Variants in SLC4A11 observed in about 807,000 individuals in gnomAD.
SLC4A11 encodes bicarbonate transporter related protein 1.
SLC4A11 carries 74 observed loss-of-function variants against 95.0 expected under a neutral mutation model. The observed-to-expected ratio is 0.78, with a 90% CI of 0.65 to 0.95. The LOEUF (loss-of-function observed/expected upper bound fraction) is 0.95, where lower values mean the gene tolerates loss of function less well. Among genes scored for constraint, SLC4A11 ranks in the 40% least tolerant of loss-of-function variants. The pLI, the probability that SLC4A11 is intolerant of heterozygous loss-of-function variation, is 0.00. For missense variants in SLC4A11, 1,081 were observed against 1,192.4 expected (o/e 0.91, Z 1.38); for synonymous variants, 548 against 519.0 (o/e 1.06, Z -0.76).
At chr20:3,239,355 AGGCTGCTCCAGCCGGGCTG>A (rs1364118979), upstream of SLC4A11, 8 of 1,135,076 alleles carry the variant, frequency 7.0e-6, no homozygotes, top group East Asian at 1.4e-4. Context: ...CACCCGCGGG[AGGCTGCTCCAGCCGGGCTG>A]GGCTGCTCCC....
chr20:3,229,826 G>A lies in SLC4A11; in HGVS notation c.1490-50C>T, dbSNP rs771454602. 1.7e-5 allele frequency: 27 copies of A among 1,612,470 alleles called. No individual in the cohort carries two copies. In the South Asian group the frequency reaches 2.9e-4, roughly 17 times the overall value. ...CAGCCCTCTCCAGCGTGTGGCAGGG[G>A]GAGGCCCTGGAGGGAGGGGATCTCA... On this transcript the variant is annotated intron_variant, in intron 13 of 19. Transcript: ENST00000642402.
Position 3,228,904 on chromosome 20 carries a change from G to C in SLC4A11, c.2126C>G (p.Ser709Cys). 2 of 1,613,990 alleles carry C rather than the reference G, an allele frequency of 1.2e-6. No individual in the cohort carries two copies. The highest frequency in any genetic ancestry group is 2.2e-5 in the South Asian group (2 of 91,092). ...LPWIHAAYPH[S>C]PLHVRALALV... Reference sequence around the variant, plus strand: ...GGCCAGGGCTCGCACGTGCAGCGGGGAGTGGGGGTAGGCGGCATGGATCCA... The same window carrying C: ...GGCCAGGGCTCGCACGTGCAGCGGGCAGTGGGGGTAGGCGGCATGGATCCA... Residue 709 changes from serine (S) to cysteine (C), a missense_variant, in exon 17 of 20, where the codon TCC (serine) becomes TGC (cysteine). By Grantham distance (112) the Ser-to-Cys change is moderately radical. Around this residue, in one of 3 missense-constraint regions of SLC4A11, gnomAD observed 767 missense variants for 858.0 expected, o/e 0.89. Transcript: ENST00000642402.
rs757935922 is a variant in SLC4A11 at position 3,230,594 on chromosome 20, A to G, written c.1336T>C (p.Trp446Arg). The G allele has an allele frequency of 2.5e-6, 4 of 1,613,734 alleles. No homozygotes were observed. Among genetic ancestry groups the G allele is most frequent in the Non-Finnish European group, 3.4e-6 (4 of 1,180,016 alleles). The change falls in exon 12 of 20, where the codon TGG becomes CGG. Residue 446 changes from tryptophan to arginine, a missense_variant. By Grantham distance (101) the Trp-to-Arg change is moderately radical (BLOSUM62 -3). Around this residue, in one of 3 missense-constraint regions of SLC4A11, gnomAD observed 767 missense variants for 858.0 expected, o/e 0.89. Transcript: ENST00000642402. ...AAGAAACTATTCCACAGGCCCGTCC[A>G]TGCGTAGAAGGAGTTGAAGTCCAGG... ...YDLDFNSFYA[W>R]TGLWNSFFLA...
chr20:3,238,551 G>A, intron 1 of SLC4A11: 1 of 991,222 alleles, frequency 1.0e-6, no homozygotes, highest in Non-Finnish European at 1.2e-6. Flanking sequence ...TACAAACCTG[G>A]GTCCTGGCGG....
At chr20:3,238,412 G>C in intron 1 of SLC4A11, 2 of 1,063,986 alleles carry the variant, frequency 1.9e-6, no homozygotes, top group Non-Finnish European at 2.3e-6. Flanking sequence ...GGGAGCCGGG[G>C]CTGCATCCTG....
At chr20:3,237,723 G>A (rs1344556663) in intron 1 of SLC4A11, 135 bp from the exon 2 acceptor site, 1 of 1,613,836 alleles carries the variant, frequency 6.2e-7, no homozygotes, top group Non-Finnish European at 8.5e-7. Flanking sequence ...ACCCTAGGGA[G>A]AAAGGGAAGC....
At position 3,234,716 on chromosome 20, in the gene SLC4A11, G is replaced by A; in HGVS notation, c.241+26C>T. 1 of 1,613,822 alleles carries A rather than the reference G, an allele frequency of 6.2e-7. No homozygotes were observed. Among genetic ancestry groups the A allele is most frequent in the Non-Finnish European group, 8.5e-7 (1 of 1,179,980 alleles). On this transcript the variant is annotated intron_variant, in intron 3 of 19. Coordinates refer to ENST00000642402, the MANE Select transcript of SLC4A11 (RefSeq NM_001174089.2). This position sits in a 1 kb window ranked among gnomAD's most constrained non-coding sequence, Gnocchi z 5.8. ...CTGCCCAGTCCCGTGCCTTCCCCCAGTCTGCCCCTGCTGCAGCCCCCATAC... is the reference window on the plus strand; with the variant it reads ...CTGCCCAGTCCCGTGCCTTCCCCCAATCTGCCCCTGCTGCAGCCCCCATAC...
Position 3,234,260 on chromosome 20 carries a change from C to T in SLC4A11, c.346G>A (p.Gly116Ser), listed in dbSNP as rs201619917. 81 of 1,614,076 alleles carry T rather than the reference C, an allele frequency of 5.0e-5. No homozygotes were observed. The East Asian group carries it at 1.1e-3, about 22-fold the overall frequency. The stretch of plus-strand genomic sequence containing the variant: ...ACGATGCTGGCCTGCGCCAGGAAGC[C>T]ATCTAGGTCGCGGTGCGCACGGATC... ...EEIRAHRDLD[G>S]FLAQASIVLN... The change falls in exon 5 of 20, where the codon GGC (glycine) becomes AGC (serine). Residue 116 changes from glycine (G) to serine (S), a missense_variant. Around this residue, in one of 3 missense-constraint regions of SLC4A11, gnomAD observed 310 missense variants for 313.5 expected, o/e 0.99. Transcript: ENST00000642402. The surrounding 1 kb of genome is among the most constrained non-coding windows in gnomAD (Gnocchi z 5.8).
chr20:3,236,129 C>T (rs1360873115), intron 2 of SLC4A11, among the ~76,000 whole-genome samples: 1 of 152,182 alleles, frequency 6.6e-6, no homozygotes, highest in Non-Finnish European at 1.5e-5. Context: ...CACCCTGACT[C>T]ACTTCTACTC....
rs568632296 is a variant in SLC4A11 at position 3,231,933 on chromosome 20, C to T, written c.730-385G>A. On this transcript the variant is annotated intron_variant, in intron 7 of 19. Coordinates refer to ENST00000642402, the MANE Select transcript of SLC4A11 (RefSeq NM_001174089.2). This position sits in a 1 kb window ranked among gnomAD's most constrained non-coding sequence, Gnocchi z 5.2. ...TAGGCCTCCCAAAGTGCTGGGATTA[C>T]AGGCACGAGCCACTGTGCCCAGATG... is the stretch of plus-strand genomic sequence containing the variant. Among the ~76,000 whole-genome samples, 6 of 152,354 alleles carry T rather than the reference C, an allele frequency of 3.9e-5. No individual in the cohort carries two copies. In the East Asian group the frequency reaches 1.2e-3, roughly 29 times the overall value.
Position 3,231,263 on chromosome 20 carries a change from C to T in SLC4A11, c.949-21G>A. 1 of 1,613,478 alleles carries T rather than the reference C, an allele frequency of 6.2e-7. No individual in the cohort carries two copies. The highest frequency in any genetic ancestry group is 8.5e-7 in the Non-Finnish European group (1 of 1,179,852). ...GGGGGCTGGAGGAGAGGACAGAGCGCCTGTTAGCCCTGTCCGGCCCATGCC... is the reference window on the plus strand; with the variant it reads ...GGGGGCTGGAGGAGAGGACAGAGCGTCTGTTAGCCCTGTCCGGCCCATGCC... On this transcript the variant is annotated intron_variant, in intron 8 of 19. Transcript: ENST00000642402. The surrounding 1 kb of genome is among the most constrained non-coding windows in gnomAD (Gnocchi z 5.2).
chr20:3,229,966 G>A (rs1014250230), intron 13 of SLC4A11, among the ~76,000 whole-genome samples, 190 bp from the exon 14 acceptor site: 1 of 152,170 alleles, frequency 6.6e-6, no homozygotes, highest in Non-Finnish European at 1.5e-5. Flanking sequence ...TCGGCCCAGT[G>A]CCTCTGCCCC....
In SLC4A11 at chr20:3,233,258, G is replaced by T. The variant is rs553442010; in HGVS notation, c.729+256C>A. 2.9e-4 allele frequency among the ~76,000 whole-genome samples: 44 copies of T among 152,172 alleles called. 1 individual carries two copies. The highest frequency in any genetic ancestry group is 5.4e-4 in the Non-Finnish European group (37 of 68,034). The stretch of plus-strand genomic sequence containing the variant: ...CTGGCGGGCGGGCAGGCCAGAGAAG[G>T]CCGCGTGTTTGAATAGGGATAGTGG... On this transcript the variant is annotated intron_variant, in intron 7 of 19. Transcript: ENST00000642402.
chr20:3,238,738 C>A, intron 1 of SLC4A11: 1 of 1,073,932 alleles, frequency 9.3e-7, no homozygotes, highest in Non-Finnish European at 1.1e-6. Flanking sequence ...GGCGGCGGCC[C>A]GCCAGGCTCC....
Position 3,234,087 on chromosome 20 carries a change from A to G in SLC4A11, c.519T>C (p.Gly173=). ...LFTDAGAPMR[G]KVHLLSDTIQ... Reference sequence around the variant, plus strand: ...GGGCCGGGAGACCGGCCTCACCTTTACCCCGCATGGGTGCCCCGGCATCGG... The same window carrying G: ...GGGCCGGGAGACCGGCCTCACCTTTGCCCCGCATGGGTGCCCCGGCATCGG... Residue 173 remains glycine, a synonymous_variant, in exon 5 of 20, where the codon GGT becomes GGC. Coordinates refer to ENST00000642402, the MANE Select transcript of SLC4A11 (RefSeq NM_001174089.2). This position sits in a 1 kb window ranked among gnomAD's most constrained non-coding sequence, Gnocchi z 5.8. The G allele has an allele frequency of 1.2e-6, 2 of 1,613,690 alleles. No homozygotes were observed. The highest frequency in any genetic ancestry group is 1.7e-6 in the Non-Finnish European group (2 of 1,179,998).
At chr20:3,236,508 G>A (rs1370824187) in intron 2 of SLC4A11, among the ~76,000 whole-genome samples, 1 of 152,040 alleles carries the variant, frequency 6.6e-6, no homozygotes, top group Admixed American at 6.6e-5. Context: ...AGGCTGGTGT[G>A]AACCCAGGAG....
rs769001914 is a variant in SLC4A11 at position 3,230,920 on chromosome 20, G to A, written c.1168+13C>T. The A allele has an allele frequency of 1.7e-5, 13 of 784,976 alleles. No homozygotes were observed. Among genetic ancestry groups the A allele is most frequent in the African/African-American group, 5.5e-5 (3 of 55,030 alleles). 48.6% of individuals were successfully genotyped at this position (784,976 alleles called of 1,614,324 possible). A position where few individuals can be genotyped will look rare whatever the true frequency, so the allele number is the denominator to read the frequency against. On this transcript the variant is annotated intron_variant, in intron 10 of 19. Coordinates refer to ENST00000642402, the MANE Select transcript of SLC4A11 (RefSeq NM_001174089.2). ...AGCATACCCCCACCCACCGCCCACC[G>A]CCAGCCCCTCACCGATGGCCCCGTC... is the stretch of plus-strand genomic sequence containing the variant.
At position 3,234,683 on chromosome 20, in the gene SLC4A11, A is replaced by G; in HGVS notation, c.241+59T>C. 1 of 1,613,742 alleles carries G rather than the reference A, an allele frequency of 6.2e-7. No individual in the cohort carries two copies. The highest frequency in any genetic ancestry group is 1.3e-5 in the African/African-American group (1 of 74,990). ...TCCTCAGGTCTTTCTTAGTAAGGCG[A>G]GTCACACCTGCCCAGTCCCGTGCCT... On this transcript the variant is annotated intron_variant, in intron 3 of 19. Coordinates refer to ENST00000642402, the MANE Select transcript of SLC4A11 (RefSeq NM_001174089.2). The surrounding 1 kb of genome is among the most constrained non-coding windows in gnomAD (Gnocchi z 5.8).
chr20:3,236,411 CCT>C (rs963544191), intron 2 of SLC4A11, among the ~76,000 whole-genome samples: 2 of 152,122 alleles, frequency 1.3e-5, no homozygotes, highest in African/African-American at 4.8e-5. Flanking sequence ...ATGGTGAAAC[CCT>C]GTCTCTACTA....
Sources: allele counts gnomAD v4.1 joint callset (sites outside exome capture counted in the v4.1 genomes callset), GRCh38; gene constraint gnomAD v4.1.1; regional missense constraint gnomAD v4.1.1; non-coding constraint Gnocchi (gnomAD v3.1); transcripts MANE v1.5; gene names NCBI Gene and HGNC (gene_info 2026-07-23, HGNC 2026-07-21).